The following POFUT3 variants were observed in gnomAD, a reference collection of about 807,000 sequenced individuals.
POFUT3 encodes GDP-fucose protein O-fucosyltransferase 3.
the POFUT3 span, among the ~76,000 whole-genome samples, chr8:33,338,193 G>A: frequency 6.6e-6 from 1 of 152,158 alleles, no homozygotes; most frequent in Non-Finnish European, 1.5e-5. Context: ...GCTTCAATAT[G>A]TGAATCGCAG....
chr8:33,318,137 C>T, the POFUT3 span, among the ~76,000 whole-genome samples: 4 of 152,102 alleles, frequency 2.6e-5, no homozygotes, highest in South Asian at 2.1e-4. Flanking sequence ...CCAGCTTCTA[C>T]GTCTCTGTAT....
At chr8:33,468,148 G>A in the POFUT3 span, among the ~76,000 whole-genome samples, 3 of 151,980 alleles carry the variant, frequency 2.0e-5, no homozygotes, top group Non-Finnish European at 4.4e-5. Flanking sequence ...ACTGAGGCAG[G>A]AGAATCCCTT....
the POFUT3 span, among the ~76,000 whole-genome samples, chr8:33,437,224 T>G: frequency 6.6e-6 from 1 of 152,190 alleles, no homozygotes; most frequent in South Asian, 2.1e-4. Flanking sequence ...ATGATGAACA[T>G]GCGAGTGCAT....
chr8:33,383,148 T>C, the POFUT3 span, among the ~76,000 whole-genome samples: 2 of 151,986 alleles, frequency 1.3e-5, no homozygotes, highest in Admixed American at 6.6e-5. Flanking sequence ...CACTTAACAC[T>C]CAGCTCAGTA....
the POFUT3 span, chr8:33,436,133 G>A: frequency 8.4e-7 from 1 of 1,192,670 alleles, no homozygotes; most frequent in Non-Finnish European, 1.1e-6. Flanking sequence ...AGGAAAGGAA[G>A]AGAAGGTCTC....
At chr8:33,387,008 C>T in the POFUT3 span, among the ~76,000 whole-genome samples, 1 of 152,068 alleles carries the variant, frequency 6.6e-6, no homozygotes, top group East Asian at 1.9e-4. Context: ...TGTTTTCTAC[C>T]TTGATATATT....
the POFUT3 span, among the ~76,000 whole-genome samples, chr8:33,363,550 A>T: frequency 2.6e-5 from 4 of 152,290 alleles, no homozygotes; most frequent in Admixed American, 2.6e-4. Context: ...AAAAGAGAGA[A>T]GAATCAAATA....
At chr8:33,350,353 T>C in the POFUT3 span, among the ~76,000 whole-genome samples, 1 of 152,118 alleles carries the variant, frequency 6.6e-6, no homozygotes, top group East Asian at 1.9e-4. Context: ...ATGACCCACA[T>C]CCTTTTCCCA....
At chr8:33,460,745 C>T in the POFUT3 span, 4 of 985,060 alleles carry the variant, frequency 4.1e-6, no homozygotes, top group Non-Finnish European at 4.8e-6. Flanking sequence ...CTGCCTGACA[C>T]GTCCATTCAC....
chr8:33,393,154 A>G, the POFUT3 span, among the ~76,000 whole-genome samples: 1 of 152,346 alleles, frequency 6.6e-6, no homozygotes, highest in East Asian at 1.9e-4. Context: ...CGCAATGCCT[A>G]CTGTAACAAG....
the POFUT3 span, among the ~76,000 whole-genome samples, chr8:33,352,844 T>G: frequency 6.6e-6 from 1 of 152,110 alleles, no homozygotes; most frequent in South Asian, 2.1e-4. Context: ...TCATATCAGA[T>G]TACCCTGGGA....
At chr8:33,330,168 G>A in the POFUT3 span, among the ~76,000 whole-genome samples, 13 of 152,238 alleles carry the variant, frequency 8.5e-5, no homozygotes, top group South Asian at 4.1e-4. Flanking sequence ...TTTCCAGGCC[G>A]GGTGCAGTGG....
chr8:33,434,614 C>T, the POFUT3 span, among the ~76,000 whole-genome samples: 3 of 152,174 alleles, frequency 2.0e-5, no homozygotes, highest in African/African-American at 4.8e-5. Flanking sequence ...ATCACTCGTG[C>T]CCCACTGTAG....
the POFUT3 span, among the ~76,000 whole-genome samples, chr8:33,382,269 G>T: frequency 5.6e-4 from 85 of 152,246 alleles, no homozygotes; most frequent in African/African-American, 1.5e-3. Flanking sequence ...TCCAGCCTGG[G>T]TGATAGAGAC....
the POFUT3 span, chr8:33,388,783 TA>T: frequency 3.3e-6 from 2 of 611,562 alleles, no homozygotes; most frequent in East Asian, 5.5e-5. Flanking sequence ...CCAGGGCTTG[TA>T]AACTTTACGA....
the POFUT3 span, among the ~76,000 whole-genome samples, chr8:33,312,846 C>T: frequency 2.0e-5 from 3 of 152,134 alleles, no homozygotes; most frequent in Non-Finnish European, 2.9e-5. Context: ...CTCCTCCTGG[C>T]TAGACATTTG....
the POFUT3 span, chr8:33,371,878 G>C: frequency 6.6e-6 from 1 of 152,260 alleles, no homozygotes; most frequent in African/African-American, 2.4e-5. Flanking sequence ...ATTATTCTGC[G>C]CAGCAGAAGG....
the POFUT3 span, among the ~76,000 whole-genome samples, chr8:33,388,064 C>CATT: frequency 6.6e-6 from 1 of 152,132 alleles, no homozygotes; most frequent in South Asian, 2.1e-4. Flanking sequence ...AATTTGAAGA[C>CATT]ATTACTAAGA....
chr8:33,310,814 A>T, the POFUT3 span, among the ~76,000 whole-genome samples: 1 of 152,068 alleles, frequency 6.6e-6, no homozygotes, highest in East Asian at 2.0e-4. Context: ...CAAAGAGATG[A>T]TGCCTGGTAT....
Sources: allele counts gnomAD v4.1 joint callset (sites outside exome capture counted in the v4.1 genomes callset), GRCh38; gene constraint gnomAD v4.1.1; transcripts MANE v1.5; gene names NCBI Gene and HGNC (gene_info 2026-07-23, HGNC 2026-07-21).